The following ALMS1 variants were observed in gnomAD, a reference collection of about 807,000 sequenced individuals.
The protein encoded by ALMS1 is centrosome-associated protein ALMS1.
Under a neutral mutation model 352.2 loss-of-function variants are expected in ALMS1, and 271 were observed. The ratio of observed to expected loss-of-function variants is 0.77; its 90% confidence interval spans 0.70 to 0.85. The LOEUF (loss-of-function observed/expected upper bound fraction) is 0.85. ALMS1 is among the 40% of genes least tolerant of loss of function. The probability of loss-of-function intolerance (pLI) is 0.00; values close to 1 mark genes in which losing one functional copy is unlikely to be tolerated. For missense variants in ALMS1, 5,445 were observed against 4,870.7 expected (o/e 1.12, Z -3.51); for synonymous variants, 1,865 against 1,761.2 (o/e 1.06, Z -1.48).
In ALMS1 at chr2:73,449,326, G is replaced by A. The variant is rs750671857; in HGVS notation, c.2799G>A (p.Lys933=). 1 of 1,613,362 alleles carries A rather than the reference G, an allele frequency of 6.2e-7. No individual in the cohort carries two copies. Among genetic ancestry groups the A allele is most frequent in the Non-Finnish European group, 8.5e-7 (1 of 1,179,756 alleles). ...PDFLFPEEAL[K]VSAVSVLAAQ... ...TTCTTTTCCCTGAAGAAGCTCTGAA[G>A]GTTTCAGCTGTTTCTGTATTGGCTG... is the stretch of plus-strand genomic sequence containing the variant. Residue 933 remains lysine, a synonymous_variant, in exon 8 of 23, where the codon AAG becomes AAA. Coordinates refer to ENST00000613296, the MANE Select transcript of ALMS1 (RefSeq NM_001378454.1).
At chr2:73,462,214 G>A (rs1317007725) in intron 9 of ALMS1, among the ~76,000 whole-genome samples, 1 of 152,054 alleles carries the variant, frequency 6.6e-6, no homozygotes, top group African/African-American at 2.4e-5. Context: ...GAGAAAGGTC[G>A]GATTACCCAC....
At chr2:73,544,801 A>G (rs1674278154) in intron 12 of ALMS1, among the ~76,000 whole-genome samples, 1 of 152,342 alleles carries the variant, frequency 6.6e-6, no homozygotes, top group African/African-American at 2.4e-5. Flanking sequence ...GGTGGAAACA[A>G]CCCAATGTCT....
intron 9 of ALMS1, among the ~76,000 whole-genome samples, chr2:73,462,987 G>A (rs1672241410): frequency 6.6e-6 from 1 of 152,214 alleles, no homozygotes. Context: ...AAGAGACTTA[G>A]ACTCCCACAC....
chr2:73,447,619 A>G (rs1671833362), intron 7 of ALMS1, among the ~76,000 whole-genome samples: 1 of 152,154 alleles, frequency 6.6e-6, no homozygotes, highest in Middle Eastern at 3.2e-3. Context: ...AAGACACAAT[A>G]ACAGATTGTA....
intron 16 of ALMS1, among the ~76,000 whole-genome samples, chr2:73,594,907 A>G (rs1050145117): frequency 1.3e-5 from 2 of 152,122 alleles, no homozygotes; most frequent in Non-Finnish European, 2.9e-5. Context: ...GTTTTTAAAT[A>G]TGTCCCTCTC....
Position 73,519,888 on chromosome 2 carries a change from T to C in ALMS1, c.9653T>C (p.Ile3218Thr). The change falls in exon 11 of 23, where the codon ATT becomes ACT. Residue 3218 changes from isoleucine (I) to threonine (T), a missense_variant. Coordinates refer to ENST00000613296, the MANE Select transcript of ALMS1 (RefSeq NM_001378454.1). Reference sequence around the variant, plus strand: ...GAAAAGACCCTATTTTCATCTGAGATTTTTATTAATGCTGAAGATCGTGGA... The same window carrying C: ...GAAAAGACCCTATTTTCATCTGAGACTTTTATTAATGCTGAAGATCGTGGA... ...SPEKTLFSSE[I>T]FINAEDRGHE... is the part of the protein sequence containing the mutation. The C allele has an allele frequency of 6.2e-7, 1 of 1,614,138 alleles. No homozygotes were observed. The highest frequency in any genetic ancestry group is 8.5e-7 in the Non-Finnish European group (1 of 1,179,978).
chr2:73,509,359 TTTA>T (rs531334979), intron 10 of ALMS1, among the ~76,000 whole-genome samples: 26 of 151,976 alleles, frequency 1.7e-4, no homozygotes, highest in Middle Eastern at 3.4e-3. Context: ...GTCTTTACAT[TTTA>T]TTATTATTAT....
rs1244210338 is a variant in ALMS1, at chr2:73,589,295, T to A, written c.11548-10106T>A. On this transcript the variant is annotated intron_variant, in intron 16 of 22. Transcript: ENST00000613296. ...TCTATTTTGGGTGTAAAAGACCATT[T>A]TGAGCTTCCCAAACTAGTCATAATG... Among the ~76,000 whole-genome samples, 3 of 152,176 alleles carry A rather than the reference T, an allele frequency of 2.0e-5. No individual in the cohort carries two copies. In the South Asian group the frequency reaches 6.2e-4, roughly 32 times the overall value.
intron 9 of ALMS1, among the ~76,000 whole-genome samples, chr2:73,477,732 G>A (rs768960250): frequency 6.6e-6 from 1 of 151,948 alleles, no homozygotes; most frequent in Non-Finnish European, 1.5e-5. Flanking sequence ...TTTTCTTGCT[G>A]TTGTAAATTG....
intron 17 of ALMS1, 40 bp downstream of exon 17, chr2:73,599,561 G>A: frequency 6.3e-7 from 1 of 1,598,648 alleles, no homozygotes; most frequent in Non-Finnish European, 8.6e-7. Flanking sequence ...GAAATACATT[G>A]AAATGGCTCT....
chr2:73,490,977 C>T lies in ALMS1; in HGVS notation c.9018C>T (p.His3006=), dbSNP rs376757358. 99 of 1,614,134 alleles carry T rather than the reference C, an allele frequency of 6.1e-5. No homozygotes were observed. Among genetic ancestry groups the T allele is most frequent in the Non-Finnish European group, 8.2e-5 (97 of 1,180,044 alleles). ...EKNNQHKPKS[H]ISNINVEAKF... is the part of the protein sequence containing the mutation. ...ATAATCAACATAAGCCTAAATCACA[C>T]ATTTCTAATATAAATGTTGAAGCCA... The change falls in exon 10 of 23, where the codon CAC becomes CAT. Residue 3006 remains histidine, a synonymous_variant. Coordinates refer to ENST00000613296, the MANE Select transcript of ALMS1 (RefSeq NM_001378454.1).
Position 73,449,374 on chromosome 2 carries a change from A to G in ALMS1, c.2847A>G (p.Thr949=), listed in dbSNP as rs773581447. ...CTGCCCAGAAGACTGGGACACCAAC[A>G]GTGTCCTCTAATTCTCACTCACATA... ...VLAAQKTGTP[T]VSSNSHSHSE... The change falls in exon 8 of 23, where the codon ACA becomes ACG. Residue 949 remains threonine (T), a synonymous_variant. Coordinates refer to ENST00000613296, the MANE Select transcript of ALMS1 (RefSeq NM_001378454.1). The G allele has an allele frequency of 7.4e-6, 12 of 1,614,010 alleles. No homozygotes were observed. Among genetic ancestry groups the G allele is most frequent in the Non-Finnish European group, 9.3e-6 (11 of 1,179,958 alleles).
At chr2:73,429,195 A>G (rs1288412766) in intron 6 of ALMS1, among the ~76,000 whole-genome samples, 6 of 151,638 alleles carry the variant, frequency 4.0e-5, no homozygotes, top group South Asian at 2.1e-4. Flanking sequence ...CTAGACTACT[A>G]GAGTCTCTGG....
At chr2:73,386,704 G>A (rs1670542184) in intron 1 of ALMS1, among the ~76,000 whole-genome samples, 1 of 152,102 alleles carries the variant, frequency 6.6e-6, no homozygotes. Flanking sequence ...TAGCAATAAA[G>A]GGGTTCCCCA....
At chr2:73,432,975 A>G (rs567816943) in intron 7 of ALMS1, among the ~76,000 whole-genome samples, 1 of 152,306 alleles carries the variant, frequency 6.6e-6, no homozygotes, top group Admixed American at 6.5e-5. Context: ...ATAAGTTTGT[A>G]GAGAGGAAAT....
intron 9 of ALMS1, among the ~76,000 whole-genome samples, chr2:73,461,258 GGCA>G (rs1444420282): frequency 3.3e-5 from 5 of 152,208 alleles, no homozygotes; most frequent in Non-Finnish European, 5.9e-5. Flanking sequence ...GGAATGATCA[GGCA>G]GCAGCATTTG....
chr2:73,514,933 C>T (rs898183322), intron 10 of ALMS1, among the ~76,000 whole-genome samples: 3 of 151,948 alleles, frequency 2.0e-5, no homozygotes, highest in Non-Finnish European at 2.9e-5. Context: ...GTTGGTTTTT[C>T]TTAGTATTAC....
chr2:73,557,110 C>T lies in ALMS1; in HGVS notation c.10079-110C>T. ...GTGGAGCCTAAGAGGTACTTTTTTC[C>T]TAATATGTAAATGGGTTTGGGGTTT... On this transcript the variant is annotated intron_variant, in intron 13 of 22. Coordinates refer to ENST00000613296, the MANE Select transcript of ALMS1 (RefSeq NM_001378454.1). The T allele has an allele frequency of 2.7e-6, 4 of 1,481,066 alleles. No homozygotes were observed. The Admixed American group carries it at 5.2e-5, about 19-fold the overall frequency. The allele number at this position is 1,481,066 out of a possible 1,614,324, so 91.7% of individuals were successfully genotyped here.
chr2:73,521,474 C>T (rs556657691), intron 11 of ALMS1, among the ~76,000 whole-genome samples: 2 of 151,632 alleles, frequency 1.3e-5, no homozygotes, highest in South Asian at 2.1e-4. Flanking sequence ...CGGTGGCTCA[C>T]GCCTGTAATC....
Sources: allele counts gnomAD v4.1 joint callset (sites outside exome capture counted in the v4.1 genomes callset), GRCh38; gene constraint gnomAD v4.1.1; transcripts MANE v1.5; gene names NCBI Gene and HGNC (gene_info 2026-07-23, HGNC 2026-07-21).